Variants in PTH observed in about 807,000 individuals in gnomAD.
PTH encodes the protein parathormone.
A neutral mutation model predicts 7.4 loss-of-function variants in PTH; 7 were observed. The ratio of observed to expected loss-of-function variants is 0.94; its 90% confidence interval spans 0.53 to 1.77. PTH has a LOEUF of 1.77. PTH is among the 40% of genes most tolerant of loss of function. The pLI, the probability that PTH is intolerant of heterozygous loss-of-function variation, is 0.00. For missense variants in PTH, 128 were observed against 137.1 expected, an observed-to-expected ratio of 0.93 and a Z score of 0.33; for synonymous variants, 51 against 46.6, an observed-to-expected ratio of 1.09 and a Z score of -0.39.
chr11:13,493,754 G>A (rs113383895), intron 1 of PTH, among the ~76,000 whole-genome samples: 2 of 152,272 alleles, frequency 1.3e-5, no homozygotes, highest in African/African-American at 4.8e-5. Context: ...CTAATGGAAA[G>A]TACAGTTTTA....
intron 1 of PTH, among the ~76,000 whole-genome samples, chr11:13,493,882 C>G (rs535532468): frequency 1.0e-3 from 152 of 152,236 alleles, no homozygotes; most frequent in African/African-American, 3.6e-3. Context: ...AACATGCTGA[C>G]TTAGGAAAAG....
At chr11:13,493,585 A>G (rs1428319068) in intron 1 of PTH, among the ~76,000 whole-genome samples, 1 of 152,206 alleles carries the variant, frequency 6.6e-6, no homozygotes, top group Non-Finnish European at 1.5e-5. Flanking sequence ...CGATCTCACC[A>G]TCTACCGTCC....
intron 1 of PTH, among the ~76,000 whole-genome samples, chr11:13,494,034 G>C (rs1847510045): frequency 6.6e-6 from 1 of 151,458 alleles, no homozygotes; most frequent in African/African-American, 2.4e-5. Flanking sequence ...ATATTTATTA[G>C]TGCCTGTTGT....
chr11:13,494,757 A>C (rs1465896521), intron 1 of PTH, among the ~76,000 whole-genome samples: 1 of 152,150 alleles, frequency 6.6e-6, no homozygotes, highest in Non-Finnish European at 1.5e-5. Flanking sequence ...CATGCTTCTC[A>C]TGCTCCCTTC....
chr11:13,493,083 TTTTA>T (rs141879370), intron 1 of PTH, among the ~76,000 whole-genome samples: 64,589 of 149,504 alleles, frequency 0.43, 14,806 homozygotes, highest in East Asian at 0.69. Flanking sequence ...CTTGTGCAAG[TTTTA>T]TTTATTTATT....
chr11:13,492,632 T>C lies in PTH; in HGVS notation c.121A>G (p.Asn41Asp). The C allele has an allele frequency of 6.2e-7, 1 of 1,614,140 alleles. No individual in the cohort carries two copies. The highest frequency in any genetic ancestry group is 8.5e-7 in the Non-Finnish European group (1 of 1,180,020). ...ATCGAGTTCAGATGTTTTCCCAGGT[T>C]ATGCATAAGCTGTATTTCACTCACA... ...RSVSEIQLMH[N>D]LGKHLNSMER... The change falls in exon 3 of 3, where the codon AAC (asparagine) becomes GAC (aspartate). Residue 41 changes from asparagine (N) to aspartate (D), a missense_variant. By Grantham distance (23) the Asn-to-Asp change is conservative (BLOSUM62 1). Coordinates refer to ENST00000282091, the MANE Select transcript of PTH (RefSeq NM_000315.4).
In PTH at chr11:13,492,183, G is replaced by T. The variant is rs1847480579; in HGVS notation, c.*222C>A. ...ATTATGCAATAACATACTTTAAAAA[G>T]AATAAACAATAGAAAAGATAATTAA... On this transcript the variant is annotated 3_prime_UTR_variant, in exon 3 of 3. Coordinates refer to ENST00000282091, the MANE Select transcript of PTH (RefSeq NM_000315.4). 7.3e-6 allele frequency: 4 copies of T among 545,462 alleles called. No individual in the cohort carries two copies. Among genetic ancestry groups the T allele is most frequent in the South Asian group, 2.8e-5 (1 of 35,422 alleles). 33.8% of individuals were successfully genotyped at this position (545,462 alleles called of 1,614,324 possible).
At chr11:13,495,701 A>G (rs1451670035) in intron 1 of PTH, among the ~76,000 whole-genome samples, 1 of 152,214 alleles carries the variant, frequency 6.6e-6, no homozygotes, top group South Asian at 2.1e-4. Flanking sequence ...AAGGCAAGGT[A>G]TCTCAGAAGA....
At position 13,492,187 on chromosome 11, in the gene PTH, A is replaced by T. The variant is rs1165268006; in HGVS notation, c.*218T>A. ...TGCAATAACATACTTTAAAAAGAAT[A>T]AACAATAGAAAAGATAATTAAAATA... is the stretch of plus-strand genomic sequence containing the variant. On this transcript the variant is annotated 3_prime_UTR_variant, in exon 3 of 3. Transcript: ENST00000282091. 3 of 555,570 alleles carry T rather than the reference A, an allele frequency of 5.4e-6. No homozygotes were observed. The highest frequency in any genetic ancestry group is 9.1e-6 in the Non-Finnish European group (3 of 329,918). 34.4% of individuals were successfully genotyped at this position (555,570 alleles called of 1,614,324 possible).
Position 13,492,563 on chromosome 11 carries a change from T to G in PTH, c.190A>C (p.Asn64His). ...AGAGGAGCTCCAAGGGCAACAAAAT[T>G]GTGCACATCCTGCAGCTTCTTACGC... ...WLRKKLQDVHNFVALGAPLAP... is the reference protein window; with the variant it reads ...WLRKKLQDVHHFVALGAPLAP... Residue 64 changes from asparagine to histidine, a missense_variant, in exon 3 of 3, where the codon AAT becomes CAT. Coordinates refer to ENST00000282091, the MANE Select transcript of PTH (RefSeq NM_000315.4). 6.2e-7 allele frequency: 1 copy of G among 1,614,144 alleles called. No individual in the cohort carries two copies. Among genetic ancestry groups the G allele is most frequent in the African/African-American group, 1.3e-5 (1 of 75,042 alleles).
Position 13,492,582 on chromosome 11 carries a change from C to T in PTH, c.171G>A (p.Lys57=). The T allele has an allele frequency of 6.2e-7, 1 of 1,614,156 alleles. No individual in the cohort carries two copies. The highest frequency in any genetic ancestry group is 8.5e-7 in the Non-Finnish European group (1 of 1,180,022). Residue 57 remains lysine, a synonymous_variant, in exon 3 of 3, where the codon AAG becomes AAA. Transcript: ENST00000282091. The part of the protein sequence containing the change: ...NSMERVEWLR[K]KLQDVHNFVA... Reference sequence around the variant, plus strand: ...CAAAATTGTGCACATCCTGCAGCTTCTTACGCAGCCATTCTACTCTCTCCA... The same window carrying T: ...CAAAATTGTGCACATCCTGCAGCTTTTTACGCAGCCATTCTACTCTCTCCA...
At chr11:13,495,281 C>G (rs1206059848) in intron 1 of PTH, among the ~76,000 whole-genome samples, 1 of 152,088 alleles carries the variant, frequency 6.6e-6, no homozygotes, top group Non-Finnish European at 1.5e-5. Flanking sequence ...AGTGCTTTTC[C>G]TTAATGCTCA....
intron 1 of PTH, among the ~76,000 whole-genome samples, chr11:13,494,457 G>GGCTGTGCACTCACCTA (rs1319676674): frequency 1.3e-5 from 2 of 152,132 alleles, no homozygotes; most frequent in African/African-American, 4.8e-5. Flanking sequence ...TAGTGTCACA[G>GGCTGTGCACTCACCTA]GCTGTGCACT....
At chr11:13,493,702 C>T (rs1847505306) in intron 1 of PTH, among the ~76,000 whole-genome samples, 1 of 152,236 alleles carries the variant, frequency 6.6e-6, no homozygotes, top group Admixed American at 6.5e-5. Flanking sequence ...TTCTAGTCCA[C>T]ACAGTACTTC....
At chr11:13,494,464 C>A (rs1847515472) in intron 1 of PTH, among the ~76,000 whole-genome samples, 1 of 152,156 alleles carries the variant, frequency 6.6e-6, no homozygotes, top group African/African-American at 2.4e-5. Flanking sequence ...ACAGGCTGTG[C>A]ACTCACCTAG....
Position 13,492,618 on chromosome 11 carries a change from A to AT in PTH, c.134dup (p.His45GlnfsTer13). ...ATTCTACTCTCTCCATCGAGTTCAG[A>AT]TGTTTTCCCAGGTTATGCATAAGCT... On this transcript the variant is annotated frameshift_variant, in exon 3 of 3. Coordinates refer to ENST00000282091, the MANE Select transcript of PTH (RefSeq NM_000315.4). LOFTEE classifies it high-confidence loss of function. 1 of 1,614,130 alleles carries AT rather than the reference A, an allele frequency of 6.2e-7. No individual in the cohort carries two copies. The highest frequency in any genetic ancestry group is 8.5e-7 in the Non-Finnish European group (1 of 1,180,014).
chr11:13,493,106 TA>T (rs1369686758), intron 1 of PTH, among the ~76,000 whole-genome samples: 13 of 150,168 alleles, frequency 8.7e-5, no homozygotes, highest in Non-Finnish European at 1.3e-4. Context: ...TTTATTTATT[TA>T]TTTTTATTTA....
At chr11:13,494,734 C>T (rs1847519223) in intron 1 of PTH, among the ~76,000 whole-genome samples, 1 of 152,154 alleles carries the variant, frequency 6.6e-6, no homozygotes, top group African/African-American at 2.4e-5. Flanking sequence ...ACAATAGAGG[C>T]TGGCTGGTGA....
intron 1 of PTH, among the ~76,000 whole-genome samples, chr11:13,493,628 A>T (rs1270692574): frequency 2.0e-5 from 3 of 152,240 alleles, no homozygotes; most frequent in African/African-American, 7.2e-5. Context: ...GCCAGAATTC[A>T]TTCTGCATAA....
Sources: allele counts gnomAD v4.1 joint callset (sites outside exome capture counted in the v4.1 genomes callset), GRCh38; gene constraint gnomAD v4.1.1; transcripts MANE v1.5; gene names NCBI Gene and HGNC (gene_info 2026-07-23, HGNC 2026-07-21).